Variants in ELOVL5 observed in about 807,000 individuals in gnomAD.
ELOVL5 encodes very long chain fatty acid elongase 5.
In ELOVL5, 8 loss-of-function variants were observed where a neutral mutation model predicts 38.6. The observed-to-expected ratio is 0.21, with a 90% CI of 0.12 to 0.37. The LOEUF (loss-of-function observed/expected upper bound fraction) is 0.37, where lower values mean the gene tolerates loss of function less well. Ranked by LOEUF, ELOVL5 falls within the 10% of genes least tolerant of loss-of-function variation. The probability of loss-of-function intolerance (pLI) is 1.00; values close to 1 mark genes in which losing one functional copy is unlikely to be tolerated. For missense variants in ELOVL5, 280 were observed against 367.8 expected, an observed-to-expected ratio of 0.76 and a Z score of 1.95; for synonymous variants, 127 against 133.7, an observed-to-expected ratio of 0.95 and a Z score of 0.34.
intron 1 of ELOVL5, among the ~76,000 whole-genome samples, chr6:53,324,302 C>G (rs1267870908): frequency 6.7e-6 from 1 of 148,180 alleles, no homozygotes; most frequent in Non-Finnish European, 1.5e-5. Flanking sequence ...AAAACAGTTA[C>G]AGATCTCTAT....
intron 1 of ELOVL5, among the ~76,000 whole-genome samples, chr6:53,326,508 G>A (rs1768547183): frequency 6.6e-6 from 1 of 151,980 alleles, no homozygotes; most frequent in South Asian, 2.1e-4. Context: ...TCTGCAGTGT[G>A]TCCTTGACTC....
chr6:53,312,640 T>A (rs190833076), intron 1 of ELOVL5, among the ~76,000 whole-genome samples: 71 of 152,332 alleles, frequency 4.7e-4, no homozygotes, highest in Admixed American at 9.1e-4. Context: ...TCCTGTACAA[T>A]GTTACCACTG....
rs935420419 is a variant in ELOVL5, at chr6:53,335,938, T to C, written c.-9+12879A>G. Among the ~76,000 whole-genome samples, 3 of 152,322 alleles carry C rather than the reference T, an allele frequency of 2.0e-5. No individual in the cohort carries two copies. The South Asian group carries it at 6.2e-4, about 32-fold the overall frequency. On this transcript the variant is annotated intron_variant, in intron 1 of 7. Transcript: ENST00000304434. ...CACACTAAGCCTGACAGACGTATGA[T>C]GAGCAAGGAATTTACGCAGGGTCAT...
At chr6:53,329,535 C>T (rs1199362192) in intron 1 of ELOVL5, among the ~76,000 whole-genome samples, 1 of 152,084 alleles carries the variant, frequency 6.6e-6, no homozygotes, top group African/African-American at 2.4e-5. Context: ...TCTAAGAATA[C>T]TATGTCGGTC....
chr6:53,308,964 A>G (rs1767713623), intron 1 of ELOVL5, among the ~76,000 whole-genome samples: 1 of 151,906 alleles, frequency 6.6e-6, no homozygotes, highest in Non-Finnish European at 1.5e-5. Flanking sequence ...CAAGATAGAG[A>G]TCAGTTCTCA....
chr6:53,329,786 C>T (rs1292857787), intron 1 of ELOVL5, among the ~76,000 whole-genome samples: 2 of 152,080 alleles, frequency 1.3e-5, no homozygotes, highest in Admixed American at 6.5e-5. Flanking sequence ...ATCATGCCAT[C>T]GCACTCAGCC....
chr6:53,310,674 C>T (rs1388591443), intron 1 of ELOVL5, among the ~76,000 whole-genome samples: 1 of 152,114 alleles, frequency 6.6e-6, no homozygotes, highest in Non-Finnish European at 1.5e-5. Context: ...CTCCAGGGCT[C>T]AAGCAATCTG....
chr6:53,312,420 C>T (rs1561881968), intron 1 of ELOVL5, among the ~76,000 whole-genome samples: 1 of 152,130 alleles, frequency 6.6e-6, no homozygotes, highest in African/African-American at 2.4e-5. Context: ...AAGAATTAAG[C>T]TAAGTGAAAA....
chr6:53,311,420 T>C (rs1176824240), intron 1 of ELOVL5, among the ~76,000 whole-genome samples: 3 of 152,228 alleles, frequency 2.0e-5, no homozygotes, highest in Admixed American at 6.5e-5. Context: ...GAAAATAGTT[T>C]GGCAAGTCTT....
chr6:53,316,454 C>G (rs1046141572), intron 1 of ELOVL5, among the ~76,000 whole-genome samples: 1 of 150,990 alleles, frequency 6.6e-6, no homozygotes, highest in African/African-American at 2.4e-5. Flanking sequence ...AGACAGAAGG[C>G]AGAGATGAAA....
chr6:53,284,749 T>TTTTGTAATTCTCACA (rs1256386307), intron 3 of ELOVL5, among the ~76,000 whole-genome samples: 2 of 152,098 alleles, frequency 1.3e-5, no homozygotes, highest in Non-Finnish European at 2.9e-5. Flanking sequence ...TGTGTCACAT[T>TTTTGTAATTCTCACA]TTTGTAATTC....
intron 1 of ELOVL5, among the ~76,000 whole-genome samples, chr6:53,296,984 C>T (rs1173628128): frequency 6.6e-6 from 1 of 152,162 alleles, no homozygotes; most frequent in Non-Finnish European, 1.5e-5. Context: ...GTAGTAGTTA[C>T]AATTAAGTCA....
chr6:53,297,028 G>A (rs1482945532), intron 1 of ELOVL5, among the ~76,000 whole-genome samples: 3 of 152,172 alleles, frequency 2.0e-5, no homozygotes, highest in African/African-American at 4.8e-5. Context: ...GATAGGAGGA[G>A]CCATCAATGA....
At chr6:53,326,553 G>A (rs764040522) in intron 1 of ELOVL5, among the ~76,000 whole-genome samples, 4 of 151,974 alleles carry the variant, frequency 2.6e-5, no homozygotes, top group Non-Finnish European at 4.4e-5. Flanking sequence ...TCCCTTACCC[G>A]CCTGTCCCAC....
At chr6:53,335,736 A>G (rs1218621120) in intron 1 of ELOVL5, among the ~76,000 whole-genome samples, 1 of 152,178 alleles carries the variant, frequency 6.6e-6, no homozygotes, top group Non-Finnish European at 1.5e-5. Context: ...GCACATGGCC[A>G]CCCAGAATAA....
intron 3 of ELOVL5, among the ~76,000 whole-genome samples, chr6:53,280,346 C>CT (rs755190942): frequency 2.8e-4 from 42 of 152,264 alleles, no homozygotes; most frequent in African/African-American, 9.1e-4. Context: ...TATTTGCAGG[C>CT]TTTTTTCTGA....
At chr6:53,312,465 A>G (rs775912138) in intron 1 of ELOVL5, among the ~76,000 whole-genome samples, 5 of 152,246 alleles carry the variant, frequency 3.3e-5, no homozygotes, top group African/African-American at 9.6e-5. Context: ...TTGAAATGAC[A>G]GAACTATAAA....
chr6:53,348,741 C>A, intron 1 of ELOVL5, 76 bp downstream of exon 1: 1 of 448,122 alleles, frequency 2.2e-6, no homozygotes, highest in Non-Finnish European at 4.5e-6. Flanking sequence ...CTGACCGCTT[C>A]CCGGCCGCGC....
intron 3 of ELOVL5, among the ~76,000 whole-genome samples, chr6:53,284,472 T>G (rs1283297676): frequency 6.6e-6 from 1 of 152,092 alleles, no homozygotes; most frequent in East Asian, 1.9e-4. Context: ...CATCTATGGG[T>G]AACCACTCAA....
Sources: gnomAD v4.1 joint callset for allele counts (sites outside exome capture counted in the v4.1 genomes callset) on GRCh38, gnomAD v4.1.1 for gene constraint, MANE v1.5 for transcripts, NCBI Gene and HGNC (gene_info 2026-07-23, HGNC 2026-07-21) for gene names.